IQCM: variants seen among roughly 807,000 people sequenced by gnomAD.
The protein encoded by IQCM is IQ domain-containing protein M.
A neutral mutation model predicts 57.6 loss-of-function variants in IQCM; 45 were observed. The observed-to-expected ratio is 0.78, with a 90% CI of 0.62 to 1.00. The LOEUF (loss-of-function observed/expected upper bound fraction) is 1.00, where lower values mean the gene tolerates loss of function less well. Ranked by LOEUF, IQCM falls within the 50% of genes least tolerant of loss-of-function variation. The pLI is 0.00. For missense variants in IQCM, 468 were observed against 511.6 expected, an observed-to-expected ratio of 0.91 and a Z score of 0.82; for synonymous variants, 148 against 158.9, an observed-to-expected ratio of 0.93 and a Z score of 0.51.
At chr4:149,495,722 A>G (rs1472316606) in intron 12 of IQCM, among the ~76,000 whole-genome samples, 1 of 152,102 alleles carries the variant, frequency 6.6e-6, no homozygotes, top group East Asian at 1.9e-4. Flanking sequence ...CTGCCAGGCA[A>G]AATGGTTAGT....
chr4:149,631,646 T>C (rs967318901), intron 7 of IQCM, among the ~76,000 whole-genome samples: 1 of 152,198 alleles, frequency 6.6e-6, no homozygotes, highest in African/African-American at 2.4e-5. Flanking sequence ...TGTGCCAAAA[T>C]GTTAAAAGTA....
chr4:149,565,395 C>T (rs1001579543), intron 9 of IQCM, among the ~76,000 whole-genome samples: 1 of 152,062 alleles, frequency 6.6e-6, no homozygotes, highest in African/African-American at 2.4e-5. Flanking sequence ...TTGACCCAGC[C>T]ACAAAGTCTC....
chr4:149,413,896 T>C (rs1242926040), intron 13 of IQCM, among the ~76,000 whole-genome samples: 1 of 152,152 alleles, frequency 6.6e-6, no homozygotes, highest in African/African-American at 2.4e-5. Flanking sequence ...AAACATTTCA[T>C]GCATCTGGAG....
chr4:149,410,422 G>A (rs1157277239), intron 13 of IQCM, among the ~76,000 whole-genome samples: 1 of 147,558 alleles, frequency 6.8e-6, no homozygotes, highest in African/African-American at 2.5e-5. Context: ...ACACACACCT[G>A]TGTGTGTGTG....
At chr4:149,364,816 C>T (rs1039673955) in intron 13 of IQCM, among the ~76,000 whole-genome samples, 1 of 152,014 alleles carries the variant, frequency 6.6e-6, no homozygotes, top group African/African-American at 2.4e-5. Flanking sequence ...AAACTCCATA[C>T]ACTGTGCAAC....
intron 13 of IQCM, among the ~76,000 whole-genome samples, chr4:149,414,565 A>G (rs1421953606): frequency 6.6e-6 from 1 of 152,182 alleles, no homozygotes; most frequent in Admixed American, 6.5e-5. Flanking sequence ...TTTGTCCATT[A>G]TAGTCCTTAC....
At chr4:149,404,911 C>A (rs1389406595) in intron 13 of IQCM, among the ~76,000 whole-genome samples, 3 of 151,898 alleles carry the variant, frequency 2.0e-5, no homozygotes, top group Non-Finnish European at 4.4e-5. Flanking sequence ...ACACAGACAC[C>A]AATCTGTATT....
chr4:149,441,048 A>G (rs1735892385), intron 12 of IQCM, among the ~76,000 whole-genome samples: 1 of 152,172 alleles, frequency 6.6e-6, no homozygotes, highest in Admixed American at 6.6e-5. Flanking sequence ...TAGTTAAAAG[A>G]GACACAATAA....
intron 13 of IQCM, among the ~76,000 whole-genome samples, chr4:149,363,610 A>G (rs1271828746): frequency 6.6e-6 from 1 of 152,148 alleles, no homozygotes. Context: ...TCTATCATCC[A>G]GGCAGGAATA....
chr4:149,648,005 C>G (rs1758798293), intron 7 of IQCM, among the ~76,000 whole-genome samples: 1 of 152,126 alleles, frequency 6.6e-6, no homozygotes, highest in African/African-American at 2.4e-5. Flanking sequence ...TCTACTGCAT[C>G]CAATATGCTA....
chr4:149,450,310 T>A (rs983657929), intron 12 of IQCM, among the ~76,000 whole-genome samples: 2 of 151,764 alleles, frequency 1.3e-5, no homozygotes, highest in Non-Finnish European at 2.9e-5. Flanking sequence ...AAAACATTTA[T>A]TGAGTAGTAA....
At chr4:149,539,044 T>C (rs1303275677) in intron 12 of IQCM, among the ~76,000 whole-genome samples, 2 of 152,062 alleles carry the variant, frequency 1.3e-5, no homozygotes, top group African/African-American at 4.8e-5. Flanking sequence ...TAAATAAAAA[T>C]GTCTAGTAAA....
chr4:149,614,664 GGAA>G (rs10671831), intron 8 of IQCM, among the ~76,000 whole-genome samples: 2 of 151,878 alleles, frequency 1.3e-5, no homozygotes, highest in South Asian at 4.2e-4. Context: ...GGGCAACATT[GGAA>G]GAAGAATTGC....
At chr4:149,598,847 C>T (rs1754011299) in intron 8 of IQCM, among the ~76,000 whole-genome samples, 1 of 152,160 alleles carries the variant, frequency 6.6e-6, no homozygotes, top group Non-Finnish European at 1.5e-5. Flanking sequence ...GCTCACTTGA[C>T]AGCACAGCCA....
chr4:149,806,330 A>T (rs1288371400), intron 2 of IQCM, among the ~76,000 whole-genome samples: 1 of 151,896 alleles, frequency 6.6e-6, no homozygotes, highest in African/African-American at 2.4e-5. Context: ...CGTGTCAAGA[A>T]CATTACACTT....
Position 149,548,507 on chromosome 4 carries a change from A to G in IQCM, c.1176T>C (p.Gly392=). The change falls in exon 12 of 14, where the codon GGT becomes GGC. Residue 392 remains glycine (G), a synonymous_variant. Transcript: ENST00000636793. ...CAACTTGTTTCTGAGTTGGGAAATGACCACAGTCACTGAAGAAATTGGGGA... is the reference window on the plus strand; with the variant it reads ...CAACTTGTTTCTGAGTTGGGAAATGGCCACAGTCACTGAAGAAATTGGGGA... ...NELPNFFSDC[G]HFPTQKQVDD... is the part of the protein sequence containing the mutation. 2 of 1,231,892 alleles carry G rather than the reference A, an allele frequency of 1.6e-6. No individual in the cohort carries two copies. The highest frequency in any genetic ancestry group is 2.0e-6 in the Non-Finnish European group (2 of 987,774). 76.3% of individuals were successfully genotyped at this position (1,231,892 alleles called of 1,614,324 possible).
Position 149,685,350 on chromosome 4 carries a change from G to A in IQCM, c.476+1028C>T, listed in dbSNP as rs375539284. Among the ~76,000 whole-genome samples, 7 of 151,548 alleles carry A rather than the reference G, an allele frequency of 4.6e-5. No homozygotes were observed. The East Asian group carries it at 1.4e-3, about 29-fold the overall frequency. On this transcript the variant is annotated intron_variant, in intron 6 of 13. Coordinates refer to ENST00000636793, the MANE Select transcript of IQCM (RefSeq NM_001363507.2). Reference sequence around the variant, plus strand: ...CTTGAGTTAAAATGGGTAACTCAAAGGCAGAGAAGAAATTTATAAAAACTA... The same window carrying A: ...CTTGAGTTAAAATGGGTAACTCAAAAGCAGAGAAGAAATTTATAAAAACTA...
intron 2 of IQCM, among the ~76,000 whole-genome samples, chr4:149,764,735 G>A (rs1026174043): frequency 6.6e-6 from 1 of 152,078 alleles, no homozygotes; most frequent in Non-Finnish European, 1.5e-5. Flanking sequence ...AGGTACTAGA[G>A]ACCTCATAGC....
intron 2 of IQCM, among the ~76,000 whole-genome samples, chr4:149,794,328 A>G (rs1772915166): frequency 6.6e-6 from 1 of 152,228 alleles, no homozygotes; most frequent in Admixed American, 6.5e-5. Flanking sequence ...AAATAATTTG[A>G]ATAATTTTTC....
Sources: gnomAD v4.1 joint callset for allele counts (sites outside exome capture counted in the v4.1 genomes callset) on GRCh38, gnomAD v4.1.1 for gene constraint, MANE v1.5 for transcripts, NCBI Gene and HGNC (gene_info 2026-07-23, HGNC 2026-07-21) for gene names.